The following RNF2 variants were observed in gnomAD, a reference collection of about 807,000 sequenced individuals.
RNF2 encodes the protein E3 ubiquitin-protein ligase RING2.
In RNF2, 6 loss-of-function variants were observed where a neutral mutation model predicts 37.2. The ratio of observed to expected loss-of-function variants is 0.16; its 90% CI spans 0.09 to 0.32. The LOEUF is 0.32. RNF2 is among the 10% of genes least tolerant of loss of function. RNF2 has a pLI of 1.00. For synonymous variants in RNF2, 133 were observed against 132.7 expected, an observed-to-expected ratio of 1.00 and a Z score of -0.02; for missense variants, 251 against 404.0, an observed-to-expected ratio of 0.62 and a Z score of 3.25.
At chr1:185,062,977 G>T (rs1313835205) in intron 1 of RNF2, among the ~76,000 whole-genome samples, 1 of 152,160 alleles carries the variant, frequency 6.6e-6, no homozygotes, top group Non-Finnish European at 1.5e-5. Context: ...AGAAATGTAA[G>T]TTGGTATAAT....
At chr1:185,091,785 A>T in intron 3 of RNF2, 46 bp downstream of exon 3, 4 of 1,502,124 alleles carry the variant, frequency 2.7e-6, no homozygotes, top group Non-Finnish European at 3.6e-6. Context: ...TTGTACCACG[A>T]AAGTGCTTTC....
chr1:185,089,589 A>G (rs1174553809), intron 2 of RNF2, among the ~76,000 whole-genome samples: 1 of 151,868 alleles, frequency 6.6e-6, no homozygotes, highest in African/African-American at 2.4e-5. Context: ...TATGATAATT[A>G]TATATATATG....
intron 1 of RNF2, among the ~76,000 whole-genome samples, chr1:185,065,661 A>G (rs900379061): frequency 7.2e-5 from 11 of 152,204 alleles, no homozygotes; most frequent in African/African-American, 2.7e-4. Context: ...ACCGGAAGGA[A>G]GAAACTCCTA....
At position 185,101,642 on chromosome 1, in the gene RNF2, T is replaced by C. The variant is rs923394620; in HGVS notation, c.*1341T>C. Reference sequence around the variant, plus strand: ...TTGAGAAATTAACCCTAAAGGGTTTTCAATAGGGTGTAGACCTCCAGTACC... The same window carrying C: ...TTGAGAAATTAACCCTAAAGGGTTTCCAATAGGGTGTAGACCTCCAGTACC... On this transcript the variant is annotated 3_prime_UTR_variant, in exon 7 of 7. Transcript: ENST00000367510. The C allele has an allele frequency of 6.6e-6, 1 of 152,366 alleles. No individual in the cohort carries two copies. Among genetic ancestry groups the C allele is most frequent in the Non-Finnish European group, 1.5e-5 (1 of 67,980 alleles). The allele number at this position is 152,366 out of a possible 1,614,324, so 9.4% of individuals were successfully genotyped here.
chr1:185,076,424 G>A (rs1265334460), intron 1 of RNF2, among the ~76,000 whole-genome samples: 11 of 150,448 alleles, frequency 7.3e-5, no homozygotes, highest in African/African-American at 2.2e-4. Context: ...CCAAGTAGCT[G>A]GGACTACAGG....
intron 1 of RNF2, among the ~76,000 whole-genome samples, chr1:185,052,627 G>A (rs749392060): frequency 2.0e-5 from 3 of 152,158 alleles, no homozygotes; most frequent in Non-Finnish European, 2.9e-5. Flanking sequence ...TAGGGTTAGT[G>A]GCTGCACAAG....
chr1:185,094,136 T>A (rs1278091355), intron 4 of RNF2, among the ~76,000 whole-genome samples: 3 of 151,630 alleles, frequency 2.0e-5, no homozygotes, highest in South Asian at 2.1e-4. Context: ...AGTCAGTTTT[T>A]TTTTTTTATT....
intron 1 of RNF2, among the ~76,000 whole-genome samples, chr1:185,078,314 C>A (rs535191452): frequency 5.5e-4 from 83 of 152,252 alleles, no homozygotes; most frequent in African/African-American, 1.9e-3. Flanking sequence ...TCTTTTGCCC[C>A]CAAATTAGTC....
intron 1 of RNF2, among the ~76,000 whole-genome samples, chr1:185,077,286 A>G (rs1471271445): frequency 6.7e-6 from 1 of 148,274 alleles, no homozygotes; most frequent in Non-Finnish European, 1.5e-5. Flanking sequence ...TCCTCTCCCC[A>G]TCCTCCTCCC....
intron 1 of RNF2, among the ~76,000 whole-genome samples, chr1:185,060,085 A>G (rs547023214): frequency 1.3e-5 from 2 of 152,358 alleles, no homozygotes; most frequent in Non-Finnish European, 2.9e-5. Context: ...TCTACCCAGG[A>G]AAGGATAACA....
At chr1:185,076,390 A>G (rs550501367) in intron 1 of RNF2, among the ~76,000 whole-genome samples, 1 of 138,330 alleles carries the variant, frequency 7.2e-6, no homozygotes, top group South Asian at 2.3e-4. Flanking sequence ...TCCTGGCTTT[A>G]AGTGATTCTC....
chr1:185,061,126 CTCTTTTTTT>C (rs1402527503), intron 1 of RNF2, among the ~76,000 whole-genome samples: 2 of 117,556 alleles, frequency 1.7e-5, no homozygotes, highest in African/African-American at 8.1e-5. Flanking sequence ...ATTTCTCTCT[CTCTTTTTTT>C]TTTTTTTTTT....
chr1:185,068,509 C>T (rs1223961345), intron 1 of RNF2, among the ~76,000 whole-genome samples: 1 of 152,134 alleles, frequency 6.6e-6, no homozygotes, highest in Non-Finnish European at 1.5e-5. Flanking sequence ...GCAGTGTGAC[C>T]ACAGAGGCAG....
intron 1 of RNF2, among the ~76,000 whole-genome samples, chr1:185,084,287 G>A (rs1282653273): frequency 6.6e-6 from 1 of 152,046 alleles, no homozygotes; most frequent in Non-Finnish European, 1.5e-5. Context: ...GTTTATGTTG[G>A]CTTACCACTC....
intron 1 of RNF2, among the ~76,000 whole-genome samples, chr1:185,051,691 C>A (rs1337375701): frequency 6.7e-6 from 1 of 148,920 alleles, no homozygotes; most frequent in Non-Finnish European, 1.5e-5. Flanking sequence ...CTACTTGTCA[C>A]AAATCTGGTT....
chr1:185,048,855 C>T (rs542403161), intron 1 of RNF2, among the ~76,000 whole-genome samples: 3 of 152,100 alleles, frequency 2.0e-5, no homozygotes, highest in African/African-American at 7.2e-5. Flanking sequence ...GAACACATTG[C>T]AGTTTCTTGG....
intron 1 of RNF2, among the ~76,000 whole-genome samples, chr1:185,061,601 A>G (rs961459353): frequency 6.6e-6 from 1 of 152,162 alleles, no homozygotes. Context: ...ACAGAGTGGG[A>G]AAAAAACGGC....
chr1:185,060,011 A>C (rs971249628), intron 1 of RNF2, among the ~76,000 whole-genome samples: 1 of 152,046 alleles, frequency 6.6e-6, no homozygotes, highest in Non-Finnish European at 1.5e-5. Flanking sequence ...ACACAAGGGA[A>C]TGTTACTGTG....
chr1:185,063,356 G>A (rs1650668963), intron 1 of RNF2, among the ~76,000 whole-genome samples: 1 of 152,162 alleles, frequency 6.6e-6, no homozygotes. Flanking sequence ...CTTGGTATCA[G>A]AATTGTTTAA....
Sources: gnomAD v4.1 joint callset for allele counts (sites outside exome capture counted in the v4.1 genomes callset) on GRCh38, gnomAD v4.1.1 for gene constraint, MANE v1.5 for transcripts, NCBI Gene and HGNC (gene_info 2026-07-23, HGNC 2026-07-21) for gene names.